Variants in WDR89 observed in about 807,000 individuals in gnomAD.
WDR89 encodes the protein WD repeat domain 89.
In WDR89, 17 loss-of-function variants were observed where a neutral mutation model predicts 29.1. The ratio of observed to expected loss-of-function variants is 0.58; its 90% CI spans 0.40 to 0.88. The LOEUF (loss-of-function observed/expected upper bound fraction) is 0.88. WDR89 is among the 40% of genes least tolerant of loss of function. WDR89 has a pLI of 0.00. For missense variants in WDR89, 396 were observed against 456.3 expected (o/e 0.87, Z 1.20); for synonymous variants, 138 against 157.8 (o/e 0.87, Z 0.94).
At chr14:63,617,698 T>C (rs1882408328) in intron 2 of WDR89, among the ~76,000 whole-genome samples, 1 of 152,076 alleles carries the variant, frequency 6.6e-6, no homozygotes, top group Non-Finnish European at 1.5e-5. Context: ...TTGGCCAGGC[T>C]GGTCTCAAAC....
chr14:63,638,433 TTAAAAG>T (rs1312577161), intron 1 of WDR89, among the ~76,000 whole-genome samples: 1 of 152,102 alleles, frequency 6.6e-6, no homozygotes, highest in Non-Finnish European at 1.5e-5. Context: ...AAAAATAAAT[TTAAAAG>T]TAAAACAATA....
At chr14:63,619,063 C>T (rs138043471) in intron 2 of WDR89, among the ~76,000 whole-genome samples, 1 of 152,272 alleles carries the variant, frequency 6.6e-6, no homozygotes, top group East Asian at 1.9e-4. Flanking sequence ...GGAGCGAATG[C>T]CTCCCTACTT....
chr14:63,606,719 G>A (rs1016516396), intron 2 of WDR89, among the ~76,000 whole-genome samples: 1 of 152,174 alleles, frequency 6.6e-6, no homozygotes, highest in African/African-American at 2.4e-5. Flanking sequence ...CATAACTGGA[G>A]TTCACCAAAT....
At chr14:63,633,278 G>A (rs1437297994) in intron 1 of WDR89, among the ~76,000 whole-genome samples, 2 of 151,888 alleles carry the variant, frequency 1.3e-5, no homozygotes, top group Non-Finnish European at 2.9e-5. Flanking sequence ...TAGACTAGAT[G>A]CTTCTAAGGT....
intron 1 of WDR89, among the ~76,000 whole-genome samples, chr14:63,635,342 G>A (rs1883661437): frequency 6.6e-6 from 1 of 152,156 alleles, no homozygotes; most frequent in African/African-American, 2.4e-5. Context: ...GTCAATAAAT[G>A]TGATGTACCA....
chr14:63,625,573 A>G (rs1321172618), intron 1 of WDR89, among the ~76,000 whole-genome samples: 1 of 152,180 alleles, frequency 6.6e-6, no homozygotes, highest in Non-Finnish European at 1.5e-5. Flanking sequence ...ATGTATGATG[A>G]TGGAAATTAG....
chr14:63,626,142 A>G (rs114292432), intron 1 of WDR89, among the ~76,000 whole-genome samples: 6,168 of 152,192 alleles, frequency 0.041, 153 homozygotes, highest in South Asian at 0.1. Flanking sequence ...GTGAGCCACC[A>G]CACCCACCCA....
intron 2 of WDR89, among the ~76,000 whole-genome samples, chr14:63,623,237 A>C (rs1882817035): frequency 6.6e-6 from 1 of 151,470 alleles, no homozygotes; most frequent in South Asian, 2.1e-4. Context: ...TAAACCCTAG[A>C]CTAACCACTT....
intron 1 of WDR89, among the ~76,000 whole-genome samples, chr14:63,628,354 A>G (rs926816629): frequency 1.3e-5 from 2 of 152,234 alleles, no homozygotes; most frequent in African/African-American, 4.8e-5. Flanking sequence ...ATTTTGTTCT[A>G]ACAGTTTTAC....
At chr14:63,632,099 G>A (rs561512037) in intron 1 of WDR89, among the ~76,000 whole-genome samples, 369 of 150,176 alleles carry the variant, frequency 2.5e-3, no homozygotes, top group Middle Eastern at 0.014. Context: ...GCAACAGAGG[G>A]AGACTCTGCC....
chr14:63,601,701 A>G lies in WDR89; in HGVS notation c.-31-1728T>C, dbSNP rs560183645. On this transcript the variant is annotated intron_variant, in intron 2 of 2. Coordinates refer to ENST00000620954, the MANE Select transcript of WDR89 (RefSeq NM_080666.4). ...TGGAGAGATTCAACCAGTTCGTGTG[A>G]AAGTTGGAGATAAAGTTCTTCTCCC... The G allele has an allele frequency of 1.0e-4, 165 of 1,596,530 alleles. No individual in the cohort carries two copies. The East Asian group carries it at 2.1e-3, about 20-fold the overall frequency.
At position 63,598,002 on chromosome 14, in the gene WDR89, G is replaced by A. The variant is rs1298299173; in HGVS notation, c.*777C>T. On this transcript the variant is annotated 3_prime_UTR_variant, in exon 3 of 3. Transcript: ENST00000620954. ...TAGGAGGTGAAATGGCACAGGACTT[G>A]GTGAAAAACTGGTTAGGAGAAGAGG... 1 of 152,184 alleles carries A rather than the reference G, an allele frequency of 6.6e-6. No individual in the cohort carries two copies. Among genetic ancestry groups the A allele is most frequent in the Non-Finnish European group, 1.5e-5 (1 of 68,056 alleles). 9.4% of individuals were successfully genotyped at this position (152,184 alleles called of 1,614,324 possible).
intron 2 of WDR89, among the ~76,000 whole-genome samples, chr14:63,603,939 T>A (rs1350066113): frequency 2.0e-5 from 3 of 152,242 alleles, no homozygotes; most frequent in African/African-American, 7.2e-5. Flanking sequence ...GGCTTGCTCC[T>A]GCCTCAGGAC....
intron 2 of WDR89, chr14:63,601,451 A>G: frequency 9.6e-7 from 1 of 1,036,890 alleles, no homozygotes; most frequent in South Asian, 1.4e-5. Context: ...CATGCCTAGT[A>G]ACACTATAAT....
intron 2 of WDR89, among the ~76,000 whole-genome samples, chr14:63,605,462 T>G (rs530454101): frequency 2.0e-5 from 3 of 151,912 alleles, no homozygotes; most frequent in Non-Finnish European, 2.9e-5. Flanking sequence ...TCCAATACTA[T>G]ACTTTTTTTT....
intron 2 of WDR89, among the ~76,000 whole-genome samples, chr14:63,610,304 G>C (rs1404657160): frequency 6.9e-6 from 1 of 144,724 alleles, no homozygotes; most frequent in African/African-American, 2.6e-5. Flanking sequence ...TGATAAAAAT[G>C]AATCAGTAAA....
chr14:63,621,282 T>C (rs1882678177), intron 2 of WDR89, among the ~76,000 whole-genome samples: 1 of 152,138 alleles, frequency 6.6e-6, no homozygotes, highest in Non-Finnish European at 1.5e-5. Context: ...TCTCACTCTG[T>C]TGCCCAGGCT....
intron 2 of WDR89, among the ~76,000 whole-genome samples, chr14:63,600,986 T>C (rs1025048054): frequency 9.2e-5 from 14 of 152,058 alleles, no homozygotes; most frequent in African/African-American, 1.2e-4. Flanking sequence ...GAGGTTCCCA[T>C]AGAAGAAAGG....
intron 2 of WDR89, among the ~76,000 whole-genome samples, chr14:63,603,095 C>G (rs1178491446): frequency 1.3e-5 from 2 of 152,028 alleles, no homozygotes; most frequent in Admixed American, 1.3e-4. Context: ...TTCCCTCCAA[C>G]TTTTAATTTT....
Sources: gnomAD v4.1 joint callset for allele counts (sites outside exome capture counted in the v4.1 genomes callset) on GRCh38, gnomAD v4.1.1 for gene constraint, MANE v1.5 for transcripts, NCBI Gene and HGNC (gene_info 2026-07-23, HGNC 2026-07-21) for gene names.